The following HMCN1 variants were observed in gnomAD, a reference collection of about 807,000 sequenced individuals.
HMCN1 encodes hemicentin 1.
In HMCN1, 321 loss-of-function variants were observed where a neutral mutation model predicts 625.9. The observed-to-expected ratio is 0.51, with a 90% CI of 0.47 to 0.56. The LOEUF (loss-of-function observed/expected upper bound fraction) is 0.56, where lower values mean the gene tolerates loss of function less well. Ranked by LOEUF, HMCN1 falls within the 20% of genes least tolerant of loss-of-function variation. The pLI, the probability that HMCN1 is intolerant of heterozygous loss-of-function variation, is 0.00. For missense variants in HMCN1, 6,588 were observed against 6,887.3 expected, an observed-to-expected ratio of 0.96 and a Z score of 1.54; for synonymous variants, 2,425 against 2,417.6, an observed-to-expected ratio of 1.00 and a Z score of -0.09.
At position 186,015,431 on chromosome 1, in the gene HMCN1, G is replaced by A. The variant is rs1558145355; in HGVS notation, c.4903G>A (p.Val1635Ile). Residue 1635 changes from valine to isoleucine, a missense_variant, in exon 31 of 107, where the codon GTC becomes ATC. Val to Ile is a conservative substitution (Grantham distance 29, BLOSUM62 3). Transcript: ENST00000271588. ...TGCTGAAAAATCATTCCATGTGGATGTCTATGGTGAGGAACAACATATGCT... is the reference window on the plus strand; with the variant it reads ...TGCTGAAAAATCATTCCATGTGGATATCTATGGTGAGGAACAACATATGCT... ...GTAEKSFHVD[V>I]YVPPMIEGNL... 1 of 1,613,378 alleles carries A rather than the reference G, an allele frequency of 6.2e-7. No individual in the cohort carries two copies. The highest frequency in any genetic ancestry group is 8.5e-7 in the Non-Finnish European group (1 of 1,179,562).
intron 1 of HMCN1, among the ~76,000 whole-genome samples, chr1:185,781,034 T>C (rs1045021590): frequency 2.0e-5 from 3 of 152,354 alleles, no homozygotes; most frequent in Admixed American, 6.5e-5. Context: ...GAGCCTGTTA[T>C]TGGTCTATTC....
At chr1:186,100,064 G>A (rs1660315655) in intron 68 of HMCN1, among the ~76,000 whole-genome samples, 1 of 152,056 alleles carries the variant, frequency 6.6e-6, no homozygotes, top group Non-Finnish European at 1.5e-5. Flanking sequence ...GTGGCAGGGG[G>A]AGGGGGAGAG....
intron 1 of HMCN1, among the ~76,000 whole-genome samples, chr1:185,762,765 A>G (rs998405141): frequency 4.6e-5 from 7 of 152,204 alleles, no homozygotes; most frequent in Middle Eastern, 3.2e-3. Context: ...TTGGGGTCCT[A>G]AATTGAGAGC....
At chr1:186,145,705 A>G (rs1314944503) in intron 92 of HMCN1, 48 bp from the exon 93 acceptor site, 5 of 1,610,924 alleles carry the variant, frequency 3.1e-6, no homozygotes, top group Non-Finnish European at 3.4e-6. Context: ...GATTATGAAG[A>G]TTTTGAAGCC....
chr1:185,865,183 T>G (rs1273994603), intron 3 of HMCN1, among the ~76,000 whole-genome samples: 1 of 152,200 alleles, frequency 6.6e-6, no homozygotes, highest in African/African-American at 2.4e-5. Flanking sequence ...TGTCTTACCC[T>G]CTTTTTGAGA....
intron 8 of HMCN1, among the ~76,000 whole-genome samples, chr1:185,924,464 G>A (rs1426476346): frequency 1.3e-5 from 2 of 152,044 alleles, no homozygotes; most frequent in East Asian, 1.9e-4. Context: ...TAGGTGGAGG[G>A]ACGAAAATTT....
At position 186,145,439 on chromosome 1, in the gene HMCN1, C is replaced by T. The variant is rs1323326912; in HGVS notation, c.14303C>T (p.Thr4768Ile). 1 of 1,597,914 alleles carries T rather than the reference C, an allele frequency of 6.3e-7. No individual in the cohort carries two copies. The highest frequency in any genetic ancestry group is 8.5e-7 in the Non-Finnish European group (1 of 1,171,056). The change falls in exon 92 of 107, where the codon ACA becomes ATA. Residue 4768 changes from threonine to isoleucine, a missense_variant. This residue lies in a region of HMCN1 where 1,954 missense variants were observed against 2,013.1 expected (regional missense o/e 0.97). Transcript: ENST00000271588. The stretch of plus-strand genomic sequence containing the variant: ...TGGAGTCCTTGGAGTGGCTGGGGAA[C>T]ATGCAGCCGGACGTGTAACGGAGGG... ...GNWSPWSGWG[T>I]CSRTCNGGQM...
rs755744602 is a variant in HMCN1, at chr1:185,928,228, A to C, written c.1431-318A>C. On this transcript the variant is annotated intron_variant, in intron 9 of 106. Transcript: ENST00000271588. ...ACCAAAAACTGGAAAAAATAAAAGC[A>C]GAGAGGATTAATGAATATTTCTTTG... Among the ~76,000 whole-genome samples, 71 of 152,164 alleles carry C rather than the reference A, an allele frequency of 4.7e-4. 2 individuals are homozygous for C. Among genetic ancestry groups the C allele is most frequent in the Non-Finnish European group, 1.3e-4 (9 of 67,994 alleles).
chr1:186,063,066 GCA>G (rs1491167810), intron 48 of HMCN1, among the ~76,000 whole-genome samples: 121 of 29,904 alleles, frequency 4.0e-3, no homozygotes, highest in African/African-American at 0.015. Flanking sequence ...GTGTGTGTGT[GCA>G]TATATATATA....
At chr1:185,898,617 G>A (rs931435606) in intron 4 of HMCN1, among the ~76,000 whole-genome samples, 17 of 152,070 alleles carry the variant, frequency 1.1e-4, no homozygotes, top group African/African-American at 2.4e-4. Flanking sequence ...TGTAGATCCT[G>A]CATCCAAGCA....
intron 11 of HMCN1, among the ~76,000 whole-genome samples, chr1:185,956,494 C>T (rs947980530): frequency 1.3e-5 from 2 of 152,168 alleles, no homozygotes; most frequent in African/African-American, 4.8e-5. Flanking sequence ...ACAAAGAATA[C>T]AGATGAACAG....
rs371177035 is a variant in HMCN1, at chr1:186,003,754, A to T, written c.4385A>T (p.Glu1462Val). ...PTIIGTNFPN[E>V]VSVVLNRDVA... ...ATAATAGGTACCAACTTCCCAAATG[A>T]AGTCTCAGTTGTCCTCAACCGTGAC... Residue 1462 changes from glutamate to valine, a missense_variant, in exon 29 of 107, where the codon GAA (glutamate) becomes GTA (valine). By Grantham distance (121) the Glu-to-Val change is moderately radical. Transcript: ENST00000271588. 8.4e-5 allele frequency: 136 copies of T among 1,613,166 alleles called. No homozygotes were observed. The highest frequency in any genetic ancestry group is 1.1e-4 in the Non-Finnish European group (127 of 1,179,352).
rs1285235932 is a variant in HMCN1 at position 185,818,622 on chromosome 1, C to CT, written c.269-27397dup. Among the ~76,000 whole-genome samples the CT allele has an allele frequency of 3.9e-5, 6 of 152,040 alleles. No homozygotes were observed. The East Asian group carries it at 5.8e-4, about 15-fold the overall frequency. On this transcript the variant is annotated intron_variant, in intron 1 of 106. Transcript: ENST00000271588. ...TTTTTATTAACCCTGAGATTTTGGG[C>CT]TTTTTTTGGCAGTGATTTCACATTA... is the stretch of plus-strand genomic sequence containing the variant.
At chr1:185,856,107 T>G (rs959403507) in intron 2 of HMCN1, among the ~76,000 whole-genome samples, 7 of 152,212 alleles carry the variant, frequency 4.6e-5, no homozygotes, top group African/African-American at 1.7e-4. Flanking sequence ...CAATGTAATT[T>G]AATGGTTTTC....
chr1:186,138,100 C>A, intron 89 of HMCN1, 128 bp downstream of exon 89: 2 of 1,015,014 alleles, frequency 2.0e-6, no homozygotes, highest in Non-Finnish European at 3.0e-6. Flanking sequence ...AGAATATGTT[C>A]ATTCACTATA....
chr1:185,925,749 G>A (rs767848896), intron 9 of HMCN1, among the ~76,000 whole-genome samples: 7 of 152,180 alleles, frequency 4.6e-5, no homozygotes, highest in Non-Finnish European at 1.0e-4. Context: ...ACATAAAGAT[G>A]CCAAGAAAGA....
intron 1 of HMCN1, among the ~76,000 whole-genome samples, chr1:185,799,963 T>C (rs994082229): frequency 3.6e-4 from 55 of 152,100 alleles, no homozygotes; most frequent in Non-Finnish European, 1.3e-4. Flanking sequence ...GGCACGCCCA[T>C]ATGTAGATAC....
intron 1 of HMCN1, among the ~76,000 whole-genome samples, chr1:185,796,644 G>GTGTA (rs1263614195): frequency 3.9e-5 from 6 of 152,180 alleles, no homozygotes; most frequent in African/African-American, 1.2e-4. Flanking sequence ...GTGTGTGTGT[G>GTGTA]TGTGTGTGTG....
intron 11 of HMCN1, among the ~76,000 whole-genome samples, chr1:185,935,250 A>G (rs1436224612): frequency 3.3e-5 from 5 of 151,686 alleles, no homozygotes; most frequent in Non-Finnish European, 5.9e-5. Context: ...TAATTTTTCT[A>G]TTTAGTGCAT....
Sources: allele counts gnomAD v4.1 joint callset (sites outside exome capture counted in the v4.1 genomes callset), GRCh38; gene constraint gnomAD v4.1.1; regional missense constraint gnomAD v4.1.1; transcripts MANE v1.5; gene names NCBI Gene and HGNC (gene_info 2026-07-23, HGNC 2026-07-21).